The following PTPRR variants were observed in gnomAD, a reference collection of about 807,000 sequenced individuals.
PTPRR encodes the protein receptor-type tyrosine-protein phosphatase R.
A neutral mutation model predicts 77.2 loss-of-function variants in PTPRR; 38 were observed. The ratio of observed to expected loss-of-function variants is 0.49; its 90% CI spans 0.38 to 0.65. The LOEUF (loss-of-function observed/expected upper bound fraction) is 0.65, where lower values mean the gene tolerates loss of function less well. Ranked by LOEUF, PTPRR falls within the 30% of genes least tolerant of loss-of-function variation. PTPRR has a pLI of 0.00. For synonymous variants in PTPRR, 299 were observed against 283.1 expected (o/e 1.06, Z -0.57); for missense variants, 744 against 799.2 (o/e 0.93, Z 0.83).
chr12:70,707,982 G>A (rs1376333356), intron 6 of PTPRR, among the ~76,000 whole-genome samples: 4 of 151,880 alleles, frequency 2.6e-5, no homozygotes, highest in African/African-American at 9.7e-5. Flanking sequence ...ATTCTCATCC[G>A]GACCTGTGTC....
Position 70,701,232 on chromosome 12 carries a change from C to T in PTPRR, c.1099G>A (p.Ala367Thr), listed in dbSNP as rs1888411637. 1.9e-6 allele frequency: 3 copies of T among 1,613,862 alleles called. No homozygotes were observed. The South Asian group carries it at 3.3e-5, about 18-fold the overall frequency. Residue 367 changes from alanine (A) to threonine (T), a missense_variant, in exon 7 of 14, where the codon GCA becomes ACA. By Grantham distance (58) the Ala-to-Thr change is moderately conservative. Around this residue, in one of 3 missense-constraint regions of PTPRR, gnomAD observed 570 missense variants for 573.2 expected, o/e 0.99. Coordinates refer to ENST00000283228, the MANE Select transcript of PTPRR (RefSeq NM_002849.4). ...CTGGCTGACTGCAGATACTCCATTG[C>T]TACCTTCTCCCGTGGTGTTGGTATA... is the stretch of plus-strand genomic sequence containing the variant. ...VSIPTPREKV[A>T]MEYLQSASRI...
chr12:70,696,655 C>T (rs894118702), intron 8 of PTPRR, among the ~76,000 whole-genome samples: 4 of 152,106 alleles, frequency 2.6e-5, no homozygotes, highest in Non-Finnish European at 4.4e-5. Context: ...ATTTCATGTG[C>T]CATCACAGCA....
At chr12:70,828,934 A>G (rs1309874697) in intron 2 of PTPRR, among the ~76,000 whole-genome samples, 1 of 152,190 alleles carries the variant, frequency 6.6e-6, no homozygotes, top group African/African-American at 2.4e-5. Context: ...CAAACCTTCT[A>G]TATTCCAGGC....
rs528214351 is a variant in PTPRR, at chr12:70,803,275, C to T, written c.358-38497G>A. On this transcript the variant is annotated intron_variant, in intron 2 of 13. Transcript: ENST00000283228. ...GAATTTCATTTCTTTAAAACCTTCT[C>T]CTGGCCAGTAGAGTCCAGGGGCCAG... is the stretch of plus-strand genomic sequence containing the variant. Among the ~76,000 whole-genome samples the T allele has an allele frequency of 1.7e-4, 26 of 152,212 alleles. No homozygotes were observed. The East Asian group carries it at 3.5e-3, about 20-fold the overall frequency.
intron 6 of PTPRR, among the ~76,000 whole-genome samples, chr12:70,706,350 C>T (rs954089): frequency 0.31 from 47,639 of 151,686 alleles, 7,755 homozygotes; most frequent in South Asian, 0.48. Context: ...TTACCAATTT[C>T]GAGAACTGAA....
intron 2 of PTPRR, among the ~76,000 whole-genome samples, chr12:70,809,038 G>A (rs1330335827): frequency 2.6e-5 from 4 of 152,070 alleles, no homozygotes; most frequent in Non-Finnish European, 4.4e-5. Context: ...CTTTTCTCTT[G>A]CCATTTCCCG....
At chr12:70,847,782 G>A (rs902936350) in intron 2 of PTPRR, among the ~76,000 whole-genome samples, 2 of 152,070 alleles carry the variant, frequency 1.3e-5, no homozygotes, top group African/African-American at 4.8e-5. Context: ...GACACTTAGA[G>A]GTTCCAGAAA....
chr12:70,894,324 A>G (rs973117804), intron 1 of PTPRR, among the ~76,000 whole-genome samples: 1 of 151,774 alleles, frequency 6.6e-6, no homozygotes, highest in African/African-American at 2.4e-5. Context: ...TACTCATGCT[A>G]CTGGGCATTT....
intron 8 of PTPRR, among the ~76,000 whole-genome samples, chr12:70,685,328 G>C (rs541801337): frequency 6.6e-6 from 1 of 152,028 alleles, no homozygotes; most frequent in East Asian, 1.9e-4. Context: ...GGAAGAGGGA[G>C]GTTGCAAAGA....
chr12:70,811,661 T>C (rs1727189820), intron 2 of PTPRR, among the ~76,000 whole-genome samples: 1 of 152,228 alleles, frequency 6.6e-6, no homozygotes. Context: ...TTGTTAACAA[T>C]GTCAACATTT....
At chr12:70,877,590 A>G (rs1047347340) in intron 2 of PTPRR, among the ~76,000 whole-genome samples, 7 of 152,206 alleles carry the variant, frequency 4.6e-5, no homozygotes, top group Non-Finnish European at 1.0e-4. Context: ...TGCTGAATGA[A>G]ATAAAAGAGG....
chr12:70,832,307 G>A (rs1359035627), intron 2 of PTPRR, among the ~76,000 whole-genome samples: 3 of 152,198 alleles, frequency 2.0e-5, no homozygotes, highest in South Asian at 2.1e-4. Context: ...GCTGTATGGG[G>A]AAGCAGGCTC....
chr12:70,669,435 T>G (rs181634512), intron 10 of PTPRR, among the ~76,000 whole-genome samples: 40 of 148,482 alleles, frequency 2.7e-4, no homozygotes, highest in African/African-American at 9.8e-4. Context: ...AAAGCTATTT[T>G]ATATATATAT....
intron 4 of PTPRR, among the ~76,000 whole-genome samples, chr12:70,755,125 A>C (rs544385865): frequency 6.6e-6 from 1 of 152,180 alleles, no homozygotes; most frequent in African/African-American, 2.4e-5. Context: ...TCAGTTGTAT[A>C]ATTTAGTGAC....
intron 10 of PTPRR, among the ~76,000 whole-genome samples, chr12:70,677,283 A>G (rs1887484628): frequency 6.6e-6 from 1 of 152,130 alleles, no homozygotes; most frequent in Non-Finnish European, 1.5e-5. Context: ...CTTGAACTTT[A>G]CTAAATTTGT....
chr12:70,684,914 G>A, intron 8 of PTPRR, 131 bp from the exon 9 acceptor site: 1 of 593,940 alleles, frequency 1.7e-6, no homozygotes, highest in Admixed American at 3.4e-5. Context: ...TTTGTCTTTG[G>A]TGTCCATTGC....
At chr12:70,912,356 G>A (rs117066571) in intron 1 of PTPRR, among the ~76,000 whole-genome samples, 3,568 of 152,234 alleles carry the variant, frequency 0.023, 58 homozygotes, top group Non-Finnish European at 0.036. Flanking sequence ...GTGAATCACT[G>A]TGAGATGCTT....
Position 70,873,720 on chromosome 12 carries a change from A to T in PTPRR, c.357+18959T>A, listed in dbSNP as rs528735134. 2.0e-5 allele frequency among the ~76,000 whole-genome samples: 3 copies of T among 151,694 alleles called. No homozygotes were observed. The South Asian group carries it at 6.3e-4, about 32-fold the overall frequency. ...ATCTTTATTATCTTTTCCTGAAGTCATATGTCTAGGCTGCAATTTTATCAT... is the reference window on the plus strand; with the variant it reads ...ATCTTTATTATCTTTTCCTGAAGTCTTATGTCTAGGCTGCAATTTTATCAT... On this transcript the variant is annotated intron_variant, in intron 2 of 13. Coordinates refer to ENST00000283228, the MANE Select transcript of PTPRR (RefSeq NM_002849.4).
chr12:70,683,923 C>A lies in PTPRR; in HGVS notation c.1497+204G>T, dbSNP rs75249096. ...TGGGTACAAATTAGATATGTATATG[C>A]CAAGTATATTGACTTGTCTGAAAGA... On this transcript the variant is annotated intron_variant, in intron 10 of 13. Coordinates refer to ENST00000283228, the MANE Select transcript of PTPRR (RefSeq NM_002849.4). Among the ~76,000 whole-genome samples, 181 of 152,114 alleles carry A rather than the reference C, an allele frequency of 1.2e-3. 1 individual carries two copies. The East Asian group carries it at 0.03, about 26-fold the overall frequency.
Sources: gnomAD v4.1 joint callset for allele counts (sites outside exome capture counted in the v4.1 genomes callset) on GRCh38, gnomAD v4.1.1 for gene constraint, gnomAD v4.1.1 regional missense constraint, MANE v1.5 for transcripts, NCBI Gene and HGNC (gene_info 2026-07-23, HGNC 2026-07-21) for gene names.